Variants in AKAP1 observed in about 807,000 individuals in gnomAD.
AKAP1 encodes the protein A-kinase anchoring protein 1.
Under a neutral mutation model 79.8 loss-of-function variants are expected in AKAP1, and 32 were observed. The observed-to-expected ratio is 0.40, with a 90% CI of 0.30 to 0.54. The LOEUF is 0.54. Among genes scored for constraint, AKAP1 ranks in the 20% least tolerant of loss-of-function variants. The pLI is 0.47. For synonymous variants in AKAP1, 416 were observed against 466.7 expected, an observed-to-expected ratio of 0.89 and a Z score of 1.40; for missense variants, 961 against 1,138.9, an observed-to-expected ratio of 0.84 and a Z score of 2.25.
At chr17:57,092,321 G>C (rs755447084) in intron 1 of AKAP1, 1 of 152,206 alleles carries the variant, frequency 6.6e-6, no homozygotes, top group African/African-American at 2.4e-5. Context: ...GATTAAGAAA[G>C]CTTCAAGCCT....
In AKAP1 at chr17:57,112,527, T is replaced by C. The variant is rs1191583968; in HGVS notation, c.2012T>C (p.Ile671Thr). 4 of 1,614,026 alleles carry C rather than the reference T, an allele frequency of 2.5e-6. No individual in the cohort carries two copies. In the South Asian group the frequency reaches 3.3e-5, roughly 13 times the overall value. The change falls in exon 5 of 11, where the codon ATT becomes ACT. Residue 671 changes from isoleucine to threonine, a missense_variant. Ile to Thr is a moderately conservative substitution (Grantham distance 89, BLOSUM62 -1). Coordinates refer to ENST00000337714, the MANE Select transcript of AKAP1 (RefSeq NM_003488.4). ...QHHVDKALNL[I>T]GKKFKELNLT... The stretch of plus-strand genomic sequence containing the variant: ...CATGTAGACAAAGCGCTGAACTTGA[T>C]TGGGAAGAAGTTCAAAGAGCTGAAC...
At chr17:57,104,367 A>G (rs1037790444) in intron 1 of AKAP1, among the ~76,000 whole-genome samples, 1 of 152,210 alleles carries the variant, frequency 6.6e-6, no homozygotes, top group Non-Finnish European at 1.5e-5. Context: ...TGCAGGATAA[A>G]GTCCAGACTA....
intron 5 of AKAP1, 60 bp downstream of exon 5, chr17:57,112,678 C>T (rs750857021): frequency 1.3e-6 from 2 of 1,546,746 alleles, no homozygotes; most frequent in Non-Finnish European, 1.7e-6. Flanking sequence ...CTACCCCAAA[C>T]AAGAAACTCC....
intron 6 of AKAP1, among the ~76,000 whole-genome samples, chr17:57,115,556 A>G (rs1284772590): frequency 6.6e-6 from 1 of 151,884 alleles, no homozygotes; most frequent in Admixed American, 6.6e-5. Flanking sequence ...TGGGTTAGTG[A>G]CTCCTTGATC....
At chr17:57,091,398 A>G (rs903918244) in intron 1 of AKAP1, among the ~76,000 whole-genome samples, 1 of 152,078 alleles carries the variant, frequency 6.6e-6, no homozygotes, top group Non-Finnish European at 1.5e-5. Flanking sequence ...CTCTGCTGCC[A>G]CCGCCTCGTC....
chr17:57,114,695 G>A (rs927187510), intron 6 of AKAP1, 59 bp downstream of exon 6: 5 of 1,518,346 alleles, frequency 3.3e-6, no homozygotes, highest in South Asian at 1.2e-5. Context: ...GTTCTGCCCT[G>A]GATCCTGATC....
intron 7 of AKAP1, among the ~76,000 whole-genome samples, 161 bp downstream of exon 7, chr17:57,116,422 C>T (rs1261856930): frequency 6.6e-6 from 1 of 152,156 alleles, no homozygotes; most frequent in African/African-American, 2.4e-5. Context: ...AACTCGATTA[C>T]TCGCTTAGCC....
Position 57,106,884 on chromosome 17 carries a change from T to A in AKAP1, c.1420T>A (p.Leu474Met). The change falls in exon 2 of 11, where the codon TTG (leucine) becomes ATG (methionine). Residue 474 changes from leucine (L) to methionine (M), a missense_variant. Physicochemically the swap from Leu to Met is conservative, Grantham distance 15. Around this residue, in one of 3 missense-constraint regions of AKAP1, gnomAD observed 629 missense variants for 781.1 expected, o/e 0.81. Coordinates refer to ENST00000337714, the MANE Select transcript of AKAP1 (RefSeq NM_003488.4). ...CLALTTPSEE[L>M]PDRAGILVED... The stretch of plus-strand genomic sequence containing the variant: ...GGCACTGACCACCCCCAGTGAAGAG[T>A]TGCCGGACCGGGCAGGCATCCTGGT... 3.1e-6 allele frequency: 5 copies of A among 1,613,732 alleles called. No individual in the cohort carries two copies. Among genetic ancestry groups the A allele is most frequent in the Non-Finnish European group, 4.2e-6 (5 of 1,179,706 alleles).
chr17:57,113,269 G>A (rs1373915191), intron 5 of AKAP1, among the ~76,000 whole-genome samples: 2 of 152,218 alleles, frequency 1.3e-5, no homozygotes, highest in Non-Finnish European at 2.9e-5. Context: ...TCTGGCCCTG[G>A]TTGGGTCTTA....
At chr17:57,090,507 ATTGG>A (rs1056259516) in intron 1 of AKAP1, among the ~76,000 whole-genome samples, 20 of 145,802 alleles carry the variant, frequency 1.4e-4, no homozygotes, top group Non-Finnish European at 2.3e-4. Context: ...CCCCATGCTC[ATTGG>A]TTGTTGCTTA....
chr17:57,120,298 G>A lies in AKAP1; in HGVS notation c.2686G>A (p.Val896Ile), dbSNP rs1234436372. Residue 896 changes from valine (V) to isoleucine (I), a missense_variant, in exon 11 of 11, where the codon GTA becomes ATA. By Grantham distance (29) the Val-to-Ile change is conservative. Transcript: ENST00000337714. ...GGTGGAGCGAGGCCTTGCCCAGTGG[G>A]TAGACAGCTACTACACAAGCCTTTG... ...SLVERGLAQW[V>I]DSYYTSL 6.2e-7 allele frequency: 1 copy of A among 1,613,834 alleles called. No homozygotes were observed. The highest frequency in any genetic ancestry group is 8.5e-7 in the Non-Finnish European group (1 of 1,179,900).
intron 1 of AKAP1, among the ~76,000 whole-genome samples, chr17:57,105,190 G>A (rs557813121): frequency 1.3e-5 from 2 of 152,282 alleles, no homozygotes; most frequent in African/African-American, 2.4e-5. Context: ...TAGAATGCTC[G>A]GTTTGTTTCA....
chr17:57,113,596 T>TG (rs1251516252), intron 5 of AKAP1, among the ~76,000 whole-genome samples: 1 of 110,900 alleles, frequency 9.0e-6, no homozygotes, highest in East Asian at 2.1e-4. Flanking sequence ...CTCACTCTCT[T>TG]TTTTTTTTTT....
Position 57,120,496 on chromosome 17 carries a change from A to G in AKAP1, c.*172A>G, listed in dbSNP as rs1385665063. Reference sequence around the variant, plus strand: ...TTCGTCTCTGAGAAAAAAGGATGGAACTATGGGTTCTCTTCGCAAAGCCAA... The same window carrying G: ...TTCGTCTCTGAGAAAAAAGGATGGAGCTATGGGTTCTCTTCGCAAAGCCAA... On this transcript the variant is annotated 3_prime_UTR_variant, in exon 11 of 11. Transcript: ENST00000337714. 1.5e-5 allele frequency: 9 copies of G among 585,500 alleles called. No homozygotes were observed. The highest frequency in any genetic ancestry group is 2.6e-5 in the Non-Finnish European group (9 of 340,710). 36.3% of individuals were successfully genotyped at this position (585,500 alleles called of 1,614,324 possible).
chr17:57,090,473 ACCT>A (rs10595533), intron 1 of AKAP1, among the ~76,000 whole-genome samples: 28,720 of 150,756 alleles, frequency 0.19, 2,965 homozygotes, highest in East Asian at 0.41. Context: ...CGTGCTCCCC[ACCT>A]CCTCCTCTGC....
chr17:57,095,685 C>T (rs1914068392), intron 1 of AKAP1: 1 of 152,110 alleles, frequency 6.6e-6, no homozygotes, highest in Non-Finnish European at 1.5e-5. Flanking sequence ...AGGGTCTTAC[C>T]TCTTTGGTTT....
Position 57,116,201 on chromosome 17 carries a change from T to A in AKAP1, c.2372T>A (p.Ile791Asn). Residue 791 changes from isoleucine to asparagine, a missense_variant, in exon 7 of 11, where the codon ATT becomes AAT. By Grantham distance (149) the Ile-to-Asn change is moderately radical. This residue lies in a region of AKAP1 where 629 missense variants were observed against 781.1 expected (regional missense o/e 0.81). Coordinates refer to ENST00000337714, the MANE Select transcript of AKAP1 (RefSeq NM_003488.4). ...TACGAGGAGACCAACGAAGTGGAGA[T>A]TCGATACGTGGACTACGGCGGATAT... ...ASYEETNEVE[I>N]RYVDYGGYKR... 1 of 1,614,168 alleles carries A rather than the reference T, an allele frequency of 6.2e-7. No individual in the cohort carries two copies. Among genetic ancestry groups the A allele is most frequent in the Non-Finnish European group, 8.5e-7 (1 of 1,180,034 alleles).
intron 9 of AKAP1, 35 bp from the exon 10 acceptor site, chr17:57,118,947 C>T: frequency 6.2e-7 from 1 of 1,604,894 alleles, no homozygotes; most frequent in Non-Finnish European, 8.5e-7. Context: ...GACACAAAAC[C>T]TAACCATATT....
chr17:57,108,896 G>GC (rs201074348), intron 2 of AKAP1, among the ~76,000 whole-genome samples: 2,019 of 152,270 alleles, frequency 0.013, 24 homozygotes, highest in African/African-American at 0.028. Flanking sequence ...AGAGCTCCCC[G>GC]CCCCCTCGCC....
Sources: gnomAD v4.1 joint callset for allele counts (sites outside exome capture counted in the v4.1 genomes callset) on GRCh38, gnomAD v4.1.1 for gene constraint, gnomAD v4.1.1 regional missense constraint, MANE v1.5 for transcripts, NCBI Gene and HGNC (gene_info 2026-07-23, HGNC 2026-07-21) for gene names.